The following SEMA4B variants were observed in gnomAD, a reference collection of about 807,000 sequenced individuals.
The protein encoded by SEMA4B is semaphorin 4B, also known as semaphorin-4B.
Under a neutral mutation model 88.1 loss-of-function variants are expected in SEMA4B, and 55 were observed. The ratio of observed to expected loss-of-function variants is 0.62; its 90% confidence interval spans 0.50 to 0.78. The LOEUF is 0.78. Among genes scored for constraint, SEMA4B ranks in the 30% least tolerant of loss-of-function variants. The pLI is 0.00. For synonymous variants in SEMA4B, 525 were observed against 473.6 expected, an observed-to-expected ratio of 1.11 and a Z score of -1.41; for missense variants, 1,062 against 1,111.9, an observed-to-expected ratio of 0.96 and a Z score of 0.64.
At chr15:90,199,892 G>T (rs533032394), upstream of SEMA4B, among the ~76,000 whole-genome samples, 6 of 152,176 alleles carry the variant, frequency 3.9e-5, no homozygotes, top group South Asian at 1.2e-3. Flanking sequence ...CGGCAGATAG[G>T]GGTTTGGGTA....
chr15:90,224,051 T>C (rs1047332523), intron 9 of SEMA4B, 63 bp downstream of exon 9: 1 of 1,527,706 alleles, frequency 6.5e-7, no homozygotes. Flanking sequence ...CACACCATGC[T>C]GGGAGCAAGG....
In SEMA4B at chr15:90,228,520, C is replaced by A. The variant is rs761768685; in HGVS notation, c.2391C>A (p.Ser797=). Residue 797 remains serine, a synonymous_variant, in exon 14 of 14, where the codon TCC becomes TCA. Coordinates refer to ENST00000411539, the MANE Select transcript of SEMA4B (RefSeq NM_198925.4). ...YQSLSDSPPG[S]RVFTESEKRP... is the part of the protein sequence containing the mutation. ...CCCTGTCAGACAGCCCCCCGGGGTC[C>A]CGAGTCTTCACTGAGTCAGAGAAGA... 6.2e-7 allele frequency: 1 copy of A among 1,612,128 alleles called. No individual in the cohort carries two copies. Among genetic ancestry groups the A allele is most frequent in the Non-Finnish European group, 8.5e-7 (1 of 1,179,328 alleles).
chr15:90,190,416 A>T (rs1232548607), intron 1 of SEMA4B: 1 of 152,302 alleles, frequency 6.6e-6, no homozygotes, highest in East Asian at 1.9e-4. Context: ...ACTCTCTGGG[A>T]TCAGCATCAG....
intron 1 of SEMA4B, among the ~76,000 whole-genome samples, chr15:90,211,787 C>A (rs544651338): frequency 5.9e-5 from 9 of 152,312 alleles, no homozygotes; most frequent in African/African-American, 1.9e-4. Flanking sequence ...GTGGGGGAGG[C>A]CACTGGCTGC....
chr15:90,206,300 C>T (rs776699010), intron 1 of SEMA4B, among the ~76,000 whole-genome samples: 15 of 152,174 alleles, frequency 9.9e-5, no homozygotes, highest in Non-Finnish European at 1.5e-4. Flanking sequence ...ACGCGAGACT[C>T]CTGTGGTCGA....
intron 12 of SEMA4B, among the ~76,000 whole-genome samples, chr15:90,226,730 C>T (rs1002281557): frequency 1.3e-5 from 2 of 152,162 alleles, no homozygotes; most frequent in African/African-American, 4.8e-5. Flanking sequence ...TCAGTTTTTA[C>T]AAAAACCAAG....
At chr15:90,224,870 G>T in intron 9 of SEMA4B, 98 bp from the exon 10 acceptor site, 1 of 1,003,044 alleles carries the variant, frequency 1.0e-6, no homozygotes, top group Non-Finnish European at 1.6e-6. Flanking sequence ...TCCGGGCGGG[G>T]GGACAGACAC....
At chr15:90,199,118 C>A (rs1478626738), upstream of SEMA4B, among the ~76,000 whole-genome samples, 1 of 152,160 alleles carries the variant, frequency 6.6e-6, no homozygotes, top group Non-Finnish European at 1.5e-5. Flanking sequence ...AAGTGATCTG[C>A]CCGCCTCGGC....
intron 1 of SEMA4B, among the ~76,000 whole-genome samples, chr15:90,202,570 G>C (rs188263560): frequency 6.6e-6 from 1 of 152,176 alleles, no homozygotes; most frequent in African/African-American, 2.4e-5. Context: ...GATTCAGAGG[G>C]TCCTGGATCC....
chr15:90,196,783 G>A (rs976015269), upstream of SEMA4B, among the ~76,000 whole-genome samples: 2 of 152,080 alleles, frequency 1.3e-5, no homozygotes, highest in East Asian at 1.9e-4. Flanking sequence ...CACTGCACCC[G>A]GCCTCTTCTA....
chr15:90,220,730 C>T (rs567093810), intron 4 of SEMA4B, among the ~76,000 whole-genome samples: 50 of 152,270 alleles, frequency 3.3e-4, no homozygotes, highest in South Asian at 6.2e-4. Context: ...ATGTGTCCCG[C>T]GTCGGGTCAC....
chr15:90,192,806 G>T (rs1229674623), intron 1 of SEMA4B, among the ~76,000 whole-genome samples: 2 of 152,104 alleles, frequency 1.3e-5, no homozygotes, highest in Non-Finnish European at 2.9e-5. Context: ...GGCCAGGCTG[G>T]TCTCAAACTC....
In SEMA4B at chr15:90,225,712, A is replaced by T. The variant is rs1306436756; in HGVS notation, c.1573A>T (p.Asn525Tyr). ...GGGCGTAGTCCAGGTGCCCATGGCC[A>T]ACTGCAGCCTGTACAGGAGCTGTGG... ...HSGVVQVPMA[N>Y]CSLYRSCGDC... is the part of the protein sequence containing the mutation. The change falls in exon 12 of 14, where the codon AAC (asparagine) becomes TAC (tyrosine). Residue 525 changes from asparagine (N) to tyrosine (Y), a missense_variant. Physicochemically the swap from Asn to Tyr is moderately radical, Grantham distance 143. Transcript: ENST00000411539. 1.3e-6 allele frequency: 2 copies of T among 1,568,588 alleles called. No homozygotes were observed. Among genetic ancestry groups the T allele is most frequent in the South Asian group, 2.3e-5 (2 of 85,292 alleles).
intron 1 of SEMA4B, chr15:90,185,135 A>G: frequency 1.1e-6 from 1 of 923,304 alleles, no homozygotes; most frequent in Non-Finnish European, 1.3e-6. Flanking sequence ...GAGGTGGCGG[A>G]CCAGGCGAAA....
chr15:90,203,023 G>C (rs1219900440), intron 1 of SEMA4B, among the ~76,000 whole-genome samples: 2 of 152,208 alleles, frequency 1.3e-5, no homozygotes, highest in Non-Finnish European at 2.9e-5. Context: ...TAAAGTTTCT[G>C]GGTCTTGATT....
intron 1 of SEMA4B, among the ~76,000 whole-genome samples, chr15:90,213,232 C>A (rs910796456): frequency 6.6e-6 from 1 of 151,916 alleles, no homozygotes; most frequent in African/African-American, 2.4e-5. Context: ...GGTTAAGTGG[C>A]GTGTCCTGGT....
chr15:90,190,633 T>A lies in SEMA4B; in HGVS notation c.-122+5552T>A, dbSNP rs7164761. On this transcript the variant is annotated intron_variant, in intron 1 of 14. Coordinates refer to the SEMA4B transcript ENST00000332496. ...CCTTTTTCCCCTCACAGGGGTCTGGTGCTCAGACTGGGATTTTAGAGGGAA... is the reference window on the plus strand; with the variant it reads ...CCTTTTTCCCCTCACAGGGGTCTGGAGCTCAGACTGGGATTTTAGAGGGAA... Among the ~76,000 whole-genome samples, 4 of 152,094 alleles carry A rather than the reference T, an allele frequency of 2.6e-5. No homozygotes were observed. The East Asian group carries it at 7.7e-4, about 29-fold the overall frequency.
intron 1 of SEMA4B, among the ~76,000 whole-genome samples, chr15:90,214,409 G>A (rs1459875111): frequency 2.6e-5 from 4 of 151,626 alleles, no homozygotes; most frequent in Non-Finnish European, 5.9e-5. Flanking sequence ...AGGCCGAGGC[G>A]GGTGGATCAC....
chr15:90,206,226 G>A (rs796277999), intron 1 of SEMA4B, among the ~76,000 whole-genome samples: 1 of 152,308 alleles, frequency 6.6e-6, no homozygotes, highest in African/African-American at 2.4e-5. Context: ...GCTCAGGCTG[G>A]CGCAGGACTC....
Sources: allele counts gnomAD v4.1 joint callset (sites outside exome capture counted in the v4.1 genomes callset), GRCh38; gene constraint gnomAD v4.1.1; transcripts MANE v1.5; gene names NCBI Gene and HGNC (gene_info 2026-07-23, HGNC 2026-07-21).